The following SOX5 variants were observed in gnomAD, a reference collection of about 807,000 sequenced individuals.
SOX5 encodes the protein SRY-box transcription factor 5, also known as transcription factor SOX-5.
A neutral mutation model predicts 92.0 loss-of-function variants in SOX5; 9 were observed. The ratio of observed to expected loss-of-function variants is 0.10; its 90% CI spans 0.06 to 0.17. The LOEUF (loss-of-function observed/expected upper bound fraction) is 0.17, where lower values mean the gene tolerates loss of function less well. Among genes scored for constraint, SOX5 ranks in the 10% least tolerant of loss-of-function variants. The pLI is 1.00. For missense variants in SOX5, 642 were observed against 944.5 expected, an observed-to-expected ratio of 0.68 and a Z score of 4.20; for synonymous variants, 344 against 336.3, an observed-to-expected ratio of 1.02 and a Z score of -0.25.
At chr12:24,537,840 C>T (rs1951773558) in intron 1 of SOX5, among the ~76,000 whole-genome samples, 1 of 152,198 alleles carries the variant, frequency 6.6e-6, no homozygotes, top group Admixed American at 6.5e-5. Flanking sequence ...TGGGAAGTTG[C>T]TTTTGCCATA....
intron 4 of SOX5, among the ~76,000 whole-genome samples, chr12:24,117,995 G>C (rs1025918015): frequency 6.8e-6 from 1 of 146,964 alleles, no homozygotes; most frequent in Non-Finnish European, 1.5e-5. Flanking sequence ...TTCCAGCCTG[G>C]GGAACAGAGC....
rs7299298 is a variant in SOX5, at chr12:24,292,664, A to G, written c.-173-15352T>C. On this transcript the variant is annotated intron_variant, in intron 2 of 4. Coordinates refer to the SOX5 transcript ENST00000446891. ...TAATCTACAGTCTGACACAGTTGAT[A>G]GAATTTTGTTCTTCTTAGTTAAGAA... Among the ~76,000 whole-genome samples the G allele has an allele frequency of 5.6e-3, 849 of 152,360 alleles. 7 individuals carry two copies. Among genetic ancestry groups the G allele is most frequent in the African/African-American group, 0.019 (807 of 41,586 alleles).
chr12:23,593,688 AT>A (rs536805504), intron 9 of SOX5, among the ~76,000 whole-genome samples: 19 of 151,964 alleles, frequency 1.3e-4, no homozygotes, highest in South Asian at 2.1e-4. Flanking sequence ...AAATGATATA[AT>A]TTTTTTTACC....
At chr12:23,955,746 T>TA (rs35081092), upstream of SOX5, among the ~76,000 whole-genome samples, 594 of 143,804 alleles carry the variant, frequency 4.1e-3, 5 homozygotes, top group Admixed American at 0.018. Flanking sequence ...TTCTTTTGAG[T>TA]AAAAAAAAAA....
chr12:24,182,569 CT>C (rs750147077), intron 4 of SOX5, among the ~76,000 whole-genome samples: 4,442 of 146,474 alleles, frequency 0.03, 94 homozygotes, highest in Non-Finnish European at 0.05. Flanking sequence ...TATTGGGACT[CT>C]TTTTTTTTTT....
rs1387043422 is a variant in SOX5 at position 23,783,741 on chromosome 12, G to GA, written c.482-28018dup. On this transcript the variant is annotated intron_variant, in intron 3 of 14. Coordinates refer to ENST00000451604, the MANE Select transcript of SOX5 (RefSeq NM_006940.6). ...CACAGTAACTTTACCCAAATTTTAG[G>GA]AAAAAAACAGATATTTTGATAATGT... is the stretch of plus-strand genomic sequence containing the variant. Among the ~76,000 whole-genome samples the GA allele has an allele frequency of 2.6e-5, 4 of 151,984 alleles. No individual in the cohort carries two copies. The South Asian group carries it at 6.2e-4, about 24-fold the overall frequency.
intron 3 of SOX5, among the ~76,000 whole-genome samples, chr12:24,250,248 C>T (rs1044521879): frequency 6.6e-6 from 1 of 152,182 alleles, no homozygotes; most frequent in African/African-American, 2.4e-5. Flanking sequence ...ATTCAAGAAG[C>T]ATAATCATCC....
chr12:23,763,037 G>T (rs2094608287), intron 3 of SOX5, among the ~76,000 whole-genome samples: 1 of 152,164 alleles, frequency 6.6e-6, no homozygotes, highest in South Asian at 2.1e-4. Context: ...ACAAGAAATT[G>T]AAGAGCTAGT....
At chr12:23,713,417 G>A (rs1436415164) in intron 6 of SOX5, among the ~76,000 whole-genome samples, 1 of 152,242 alleles carries the variant, frequency 6.6e-6, no homozygotes, top group African/African-American at 2.4e-5. Context: ...TAACATAACA[G>A]TTCTAAAACT....
At chr12:24,063,015 T>C (rs1475102923) in intron 4 of SOX5, among the ~76,000 whole-genome samples, 3 of 152,226 alleles carry the variant, frequency 2.0e-5, no homozygotes, top group Non-Finnish European at 2.9e-5. Context: ...ACCAGTATAT[T>C]GCATAATGTG....
Position 24,047,456 on chromosome 12 carries a change from T to C in SOX5, c.-1-151432A>G, listed in dbSNP as rs149611455. ...GATGAAATGATGAAATTCCCTTTAC[T>C]AATGATCTTTCAACACTCATTCTGT... is the stretch of plus-strand genomic sequence containing the variant. On this transcript the variant is annotated intron_variant, in intron 4 of 4. Coordinates refer to the SOX5 transcript ENST00000446891. 2.9e-3 allele frequency among the ~76,000 whole-genome samples: 437 copies of C among 152,364 alleles called. 2 individuals carry two copies. In the Middle Eastern group the frequency reaches 0.044, roughly 15 times the overall value.
At chr12:23,582,520 C>T (rs1485444898) in intron 9 of SOX5, among the ~76,000 whole-genome samples, 2 of 152,128 alleles carry the variant, frequency 1.3e-5, no homozygotes, top group African/African-American at 4.8e-5. Flanking sequence ...AAAATCAAGT[C>T]TATCATCTTA....
chr12:23,946,110 G>T (rs756284114), intron 1 of SOX5, among the ~76,000 whole-genome samples: 1 of 152,102 alleles, frequency 6.6e-6, no homozygotes, highest in Non-Finnish European at 1.5e-5. Flanking sequence ...ATGGAAATGT[G>T]AAGTAAATAA....
intron 4 of SOX5, among the ~76,000 whole-genome samples, chr12:24,036,185 C>T (rs1490418880): frequency 6.6e-6 from 1 of 151,974 alleles, no homozygotes; most frequent in Non-Finnish European, 1.5e-5. Flanking sequence ...AATGATGTGA[C>T]TTTCAGTACT....
chr12:23,790,028 A>C (rs1423982798), intron 3 of SOX5, among the ~76,000 whole-genome samples: 1 of 152,188 alleles, frequency 6.6e-6, no homozygotes, highest in Non-Finnish European at 1.5e-5. Context: ...ATGTAAAGCA[A>C]ACCTGTAACA....
chr12:23,724,167 TC>T (rs2092985893), intron 6 of SOX5, among the ~76,000 whole-genome samples: 1 of 152,180 alleles, frequency 6.6e-6, no homozygotes, highest in South Asian at 2.1e-4. Context: ...AGTCTTATTT[TC>T]TAGAGATCAT....
chr12:23,593,768 A>G (rs1180152194), intron 9 of SOX5, among the ~76,000 whole-genome samples: 1 of 152,044 alleles, frequency 6.6e-6, no homozygotes, highest in East Asian at 1.9e-4. Context: ...TTTCTTTGTT[A>G]AGCAGGTGGC....
intron 2 of SOX5, among the ~76,000 whole-genome samples, chr12:23,873,877 C>T (rs781669821): frequency 5.9e-4 from 89 of 152,082 alleles, no homozygotes; most frequent in Non-Finnish European, 1.1e-3. Context: ...AAATATTTAC[C>T]TTCTTTTCAG....
At chr12:24,008,497 T>A (rs562675007) in intron 4 of SOX5, among the ~76,000 whole-genome samples, 32 of 152,188 alleles carry the variant, frequency 2.1e-4, no homozygotes, top group African/African-American at 7.5e-4. Context: ...AGAGCTTGGA[T>A]TAAATCCACC....
Sources: allele counts gnomAD v4.1 joint callset (sites outside exome capture counted in the v4.1 genomes callset), GRCh38; gene constraint gnomAD v4.1.1; transcripts MANE v1.5; gene names NCBI Gene and HGNC (gene_info 2026-07-23, HGNC 2026-07-21).